Variants in RCN1 observed in about 807,000 individuals in gnomAD.
The protein encoded by RCN1 is reticulocalbin 1, also known as reticulocalbin-1.
A neutral mutation model predicts 34.7 loss-of-function variants in RCN1; 14 were observed. The observed-to-expected ratio is 0.40, with a 90% CI of 0.27 to 0.63. The LOEUF is 0.63. Among genes scored for constraint, RCN1 ranks in the 30% least tolerant of loss-of-function variants. RCN1 has a pLI of 0.37. For missense variants in RCN1, 326 were observed against 425.1 expected (o/e 0.77, Z 2.05); for synonymous variants, 125 against 165.5 (o/e 0.76, Z 1.88).
At chr11:32,096,993 T>A (rs1296496386) in intron 1 of RCN1, 151 bp from the exon 2 acceptor site, 7 of 613,108 alleles carry the variant, frequency 1.1e-5, no homozygotes, top group Non-Finnish European at 1.6e-5. Flanking sequence ...CCTTCCAGCC[T>A]CCTTGGATCA....
intron 4 of RCN1, among the ~76,000 whole-genome samples, chr11:32,100,846 C>T (rs1196900702): frequency 6.6e-6 from 1 of 152,160 alleles, no homozygotes; most frequent in Non-Finnish European, 1.5e-5. Context: ...CAAGGCTGGC[C>T]AACAGTTGGC....
chr11:32,098,142 C>T (rs1405745796), intron 2 of RCN1, among the ~76,000 whole-genome samples: 1 of 152,184 alleles, frequency 6.6e-6, no homozygotes, highest in African/African-American at 2.4e-5. Flanking sequence ...AGTAATTCCC[C>T]TAATATGCCA....
intron 3 of RCN1, among the ~76,000 whole-genome samples, chr11:32,100,049 G>A (rs1472913031): frequency 6.6e-6 from 1 of 152,200 alleles, no homozygotes; most frequent in Non-Finnish European, 1.5e-5. Context: ...AAGAGGTCAA[G>A]TATACTAAAT....
chr11:32,091,308 G>T lies in RCN1; in HGVS notation c.112G>T (p.Val38Leu). ...CAAGCCCACGGTGCGCAAAGAGCGC[G>T]TGGTGCGGCCCGACTCGGAGCTGGG... ...RAKPTVRKERVVRPDSELGER... is the reference protein window; with the variant it reads ...RAKPTVRKERLVRPDSELGER... Residue 38 changes from valine (V) to leucine (L), a missense_variant, in exon 1 of 6, where the codon GTG (valine) becomes TTG (leucine). Physicochemically the swap from Val to Leu is conservative, Grantham distance 32 (BLOSUM62 1). Transcript: ENST00000054950. The T allele has an allele frequency of 1.3e-6, 2 of 1,547,068 alleles. No homozygotes were observed. Among genetic ancestry groups the T allele is most frequent in the Non-Finnish European group, 8.7e-7 (1 of 1,145,912 alleles).
Position 32,105,478 on chromosome 11 carries a change from T to C in RCN1, c.*1006T>C, listed in dbSNP as rs1182147405. 3.3e-5 allele frequency: 5 copies of C among 152,230 alleles called. No individual in the cohort carries two copies. The highest frequency in any genetic ancestry group is 1.9e-4 in the East Asian group (1 of 5,168). 9.4% of individuals were successfully genotyped at this position (152,230 alleles called of 1,614,324 possible). On this transcript the variant is annotated 3_prime_UTR_variant, in exon 6 of 6. Coordinates refer to ENST00000054950, the MANE Select transcript of RCN1 (RefSeq NM_002901.4). ...AACTGGCAGACACAACCTGTACAGA[T>C]TGAAATTTCACCTTGTAAGGAGGAA...
At position 32,104,466 on chromosome 11, in the gene RCN1, G is replaced by C. The variant is rs1373092702; in HGVS notation, c.990G>C (p.Glu330Asp). The C allele has an allele frequency of 2.8e-6, 4 of 1,434,860 alleles. No individual in the cohort carries two copies. In the South Asian group the frequency reaches 4.6e-5, roughly 17 times the overall value. 88.9% of individuals were successfully genotyped at this position (1,434,860 alleles called of 1,614,324 possible). Residue 330 changes from glutamate (E) to aspartate (D), a missense_variant, in exon 6 of 6, where the codon GAG (glutamate) becomes GAC (aspartate). By Grantham distance (45) the Glu-to-Asp change is conservative. Coordinates refer to ENST00000054950, the MANE Select transcript of RCN1 (RefSeq NM_002901.4). ...AAGATCTCACAAAAAATCATGATGA[G>C]CTTTGATAGACACTCACCAGAATAT... Reference protein sequence around the residue: ...YGEDLTKNHDEL With the variant: ...YGEDLTKNHDDL
At chr11:32,104,339 A>G in intron 5 of RCN1, 26 bp from the exon 6 acceptor site, 2 of 1,355,588 alleles carry the variant, frequency 1.5e-6, no homozygotes, top group Non-Finnish European at 2.1e-6. Context: ...AGCTTCCATG[A>G]CAGTGCTCTT....
intron 5 of RCN1, 56 bp downstream of exon 5, chr11:32,103,536 G>C: frequency 6.6e-7 from 1 of 1,518,258 alleles, no homozygotes; most frequent in South Asian, 1.1e-5. Context: ...ACATAAGATC[G>C]GTTTTGTTTG....
chr11:32,100,273 G>A (rs1365577783), intron 3 of RCN1, among the ~76,000 whole-genome samples: 1 of 152,114 alleles, frequency 6.6e-6, no homozygotes, highest in Non-Finnish European at 1.5e-5. Flanking sequence ...GCCTGGCAGG[G>A]CCTCCTGATA....
intron 1 of RCN1, among the ~76,000 whole-genome samples, chr11:32,096,104 G>A (rs1483562692): frequency 6.6e-6 from 1 of 152,116 alleles, no homozygotes; most frequent in Non-Finnish European, 1.5e-5. Context: ...TTGCCACTCA[G>A]AATGTCTGTT....
intron 4 of RCN1, 107 bp downstream of exon 4, chr11:32,100,715 G>A: frequency 1.2e-6 from 1 of 831,262 alleles, no homozygotes; most frequent in South Asian, 1.6e-5. Context: ...ACAGCTGCAA[G>A]TCTATACGTC....
At chr11:32,103,588 T>C (rs1852073612) in intron 5 of RCN1, 108 bp downstream of exon 5, 4 of 957,502 alleles carry the variant, frequency 4.2e-6, no homozygotes, top group African/African-American at 3.2e-5. Flanking sequence ...CATGTCTTTA[T>C]TGACTTTTCC....
chr11:32,102,270 G>GGA (rs1852054037), intron 4 of RCN1: 1 of 151,620 alleles, frequency 6.6e-6, no homozygotes, highest in Non-Finnish European at 1.5e-5. Flanking sequence ...TAAAATGGGG[G>GGA]AAAAAAAGTG....
chr11:32,093,554 T>A (rs770433828), intron 1 of RCN1, among the ~76,000 whole-genome samples: 3 of 151,864 alleles, frequency 2.0e-5, no homozygotes, highest in Non-Finnish European at 4.4e-5. Flanking sequence ...GACTTGGAGG[T>A]TGCCAGGTGT....
intron 4 of RCN1, chr11:32,102,952 C>T: frequency 2.1e-6 from 1 of 469,722 alleles, no homozygotes; most frequent in South Asian, 1.6e-5. Flanking sequence ...CAAAATGGCA[C>T]ATTTGATCAT....
chr11:32,097,144 G>A lies in RCN1; in HGVS notation c.255G>A (p.Gly85=). 7 of 1,491,930 alleles carry A rather than the reference G, an allele frequency of 4.7e-6. No homozygotes were observed. The highest frequency in any genetic ancestry group is 6.2e-6 in the Non-Finnish European group (7 of 1,125,298). 92.4% of individuals were successfully genotyped at this position (1,491,930 alleles called of 1,614,324 possible). A position where few individuals can be genotyped will look rare whatever the true frequency, so the allele number is the denominator to read the frequency against. ...CTTTTTTTTTTTTTTTGTACTGCAG[G>A]AAGATTGTTGATCGAATCGACAATG... ...LTPDESKERL[G]KIVDRIDNDG... The change falls in exon 2 of 6, where the codon GGG becomes GGA. Residue 85 remains glycine (G), a splice_region_variant and synonymous_variant. Transcript: ENST00000054950.
intron 1 of RCN1, chr11:32,096,933 C>T: frequency 2.0e-6 from 1 of 500,160 alleles, no homozygotes; most frequent in East Asian, 3.2e-5. Flanking sequence ...CTGCCATCAG[C>T]ACTGGTTGGG....
At chr11:32,098,675 C>G in intron 3 of RCN1, 147 bp downstream of exon 3, 1 of 690,984 alleles carries the variant, frequency 1.4e-6, no homozygotes, top group South Asian at 2.2e-5. Context: ...CCCCGTCTAC[C>G]CAGAAAATTA....
chr11:32,091,326 G>T lies in RCN1; in HGVS notation c.130G>T (p.Glu44Ter). ...RKERVVRPDS[E>*]LGERPPEDNQ... ...AGAGCGCGTGGTGCGGCCCGACTCGGAGCTGGGCGAGCGGCCCCCTGAGGA... is the reference window on the plus strand; with the variant it reads ...AGAGCGCGTGGTGCGGCCCGACTCGTAGCTGGGCGAGCGGCCCCCTGAGGA... The change falls in exon 1 of 6, where the codon GAG becomes TAG. Residue 44 changes from glutamate to a stop codon, truncating the protein, a stop_gained. Transcript: ENST00000054950. LOFTEE classifies it high-confidence loss of function. The T allele has an allele frequency of 6.5e-7, 1 of 1,548,058 alleles. No individual in the cohort carries two copies. Among genetic ancestry groups the T allele is most frequent in the Non-Finnish European group, 8.7e-7 (1 of 1,146,266 alleles).
Sources: gnomAD v4.1 joint callset for allele counts (sites outside exome capture counted in the v4.1 genomes callset) on GRCh38, gnomAD v4.1.1 for gene constraint, MANE v1.5 for transcripts, NCBI Gene and HGNC (gene_info 2026-07-23, HGNC 2026-07-21) for gene names.